BNC2: variants seen among roughly 807,000 people sequenced by gnomAD.
The protein encoded by BNC2 is zinc finger protein basonuclin-2.
In BNC2, 20 loss-of-function variants were observed where a neutral mutation model predicts 76.3. The ratio of observed to expected loss-of-function variants is 0.26; its 90% CI spans 0.18 to 0.38. The LOEUF (loss-of-function observed/expected upper bound fraction) is 0.38, where lower values mean the gene tolerates loss of function less well. Ranked by LOEUF, BNC2 falls within the 10% of genes least tolerant of loss-of-function variation. The pLI is 1.00. For synonymous variants in BNC2, 582 were observed against 514.8 expected, an observed-to-expected ratio of 1.13 and a Z score of -1.77; for missense variants, 1,382 against 1,399.8, an observed-to-expected ratio of 0.99 and a Z score of 0.20.
At chr9:16,495,240 G>T (rs970744490) in intron 5 of BNC2, among the ~76,000 whole-genome samples, 1 of 152,100 alleles carries the variant, frequency 6.6e-6, no homozygotes, top group Non-Finnish European at 1.5e-5. Context: ...GGCTTTCTTG[G>T]CCTAACATGA....
At chr9:16,481,527 A>G (rs887776911) in intron 5 of BNC2, among the ~76,000 whole-genome samples, 6 of 152,098 alleles carry the variant, frequency 3.9e-5, no homozygotes, top group African/African-American at 1.2e-4. Flanking sequence ...AACTCCAGAC[A>G]CGCCACCTTA....
intron 5 of BNC2, among the ~76,000 whole-genome samples, chr9:16,479,470 A>G (rs1448160532): frequency 2.0e-5 from 3 of 152,216 alleles, no homozygotes; most frequent in Non-Finnish European, 2.9e-5. Context: ...ATAGGGAGGT[A>G]TAAGAGCCTT....
chr9:16,744,695 G>T (rs1212235282), intron 1 of BNC2, among the ~76,000 whole-genome samples: 4 of 152,120 alleles, frequency 2.6e-5, no homozygotes, highest in African/African-American at 9.7e-5. Flanking sequence ...TTTTGCCCTT[G>T]GACACAGACA....
At chr9:16,577,452 T>C (rs1403414630) in intron 4 of BNC2, among the ~76,000 whole-genome samples, 2 of 152,180 alleles carry the variant, frequency 1.3e-5, no homozygotes, top group Admixed American at 6.5e-5. Context: ...TGGTATATGA[T>C]ACTAAATTAA....
intron 5 of BNC2, among the ~76,000 whole-genome samples, chr9:16,530,519 G>A (rs937609082): frequency 3.3e-5 from 5 of 152,274 alleles, no homozygotes; most frequent in African/African-American, 1.2e-4. Flanking sequence ...GAGAGAGGGC[G>A]ATGATCAAGA....
intron 6 of BNC2, among the ~76,000 whole-genome samples, chr9:16,427,975 T>G (rs982119194): frequency 6.6e-6 from 1 of 152,134 alleles, no homozygotes. Context: ...ATAAGTTTTT[T>G]TTAATGTGGA....
intron 6 of BNC2, chr9:16,429,862 A>G: frequency 6.4e-6 from 3 of 468,808 alleles, no homozygotes; most frequent in South Asian, 4.6e-5. Context: ...AGGTCAGCAG[A>G]GGCTTAAACG....
intron 5 of BNC2, among the ~76,000 whole-genome samples, chr9:16,479,939 G>C (rs1335294139): frequency 6.6e-6 from 1 of 152,114 alleles, no homozygotes; most frequent in African/African-American, 2.4e-5. Flanking sequence ...TTATTTGCAA[G>C]CTACTTGTGG....
At chr9:16,590,906 T>A (rs759970202) in intron 3 of BNC2, among the ~76,000 whole-genome samples, 2 of 152,174 alleles carry the variant, frequency 1.3e-5, no homozygotes, top group African/African-American at 2.4e-5. Context: ...AGGATTGCCA[T>A]AGAATACACT....
At chr9:16,586,426 G>A (rs1429716530) in intron 3 of BNC2, among the ~76,000 whole-genome samples, 1 of 152,084 alleles carries the variant, frequency 6.6e-6, no homozygotes, top group Non-Finnish European at 1.5e-5. Flanking sequence ...TCCAGATTCT[G>A]CCCCACACGT....
intron 1 of BNC2, among the ~76,000 whole-genome samples, chr9:16,852,924 G>C (rs998669213): frequency 6.6e-6 from 1 of 152,212 alleles, no homozygotes; most frequent in South Asian, 2.1e-4. Context: ...GCAGTGGCAG[G>C]AAACGGCGTC....
chr9:16,672,077 C>CA (rs760593617), intron 3 of BNC2, among the ~76,000 whole-genome samples: 2 of 152,222 alleles, frequency 1.3e-5, no homozygotes, highest in Non-Finnish European at 2.9e-5. Flanking sequence ...CTGCTAACAG[C>CA]AAGGGGTGTT....
chr9:16,698,553 C>T (rs1244672380), intron 3 of BNC2, among the ~76,000 whole-genome samples: 1 of 151,992 alleles, frequency 6.6e-6, no homozygotes, highest in Non-Finnish European at 1.5e-5. Context: ...ATTAGCTGGG[C>T]GTGGTGGCGC....
intron 3 of BNC2, among the ~76,000 whole-genome samples, chr9:16,658,742 C>T (rs555762689): frequency 1.3e-5 from 2 of 152,248 alleles, no homozygotes; most frequent in South Asian, 4.1e-4. Flanking sequence ...GCTAATTTAC[C>T]AACTATCCCA....
rs143485805 is a variant in BNC2 at position 16,764,886 on chromosome 9, A to G, written c.4-26401T>C. The stretch of plus-strand genomic sequence containing the variant: ...CAAAATTATCCCAAAAATAAATGAG[A>G]GGGAGGGAAAGAAGGAGGGAAGGAG... On this transcript the variant is annotated intron_variant, in intron 1 of 6. Transcript: ENST00000380672. 1.2e-3 allele frequency among the ~76,000 whole-genome samples: 178 copies of G among 149,558 alleles called. 4 individuals are homozygous for G. The East Asian group carries it at 0.03, about 25-fold the overall frequency.
At chr9:16,729,524 T>C (rs938758371) in intron 2 of BNC2, among the ~76,000 whole-genome samples, 1 of 151,254 alleles carries the variant, frequency 6.6e-6, no homozygotes, top group African/African-American at 2.5e-5. Context: ...AACCGACATC[T>C]CCTGAAAGCT....
chr9:16,624,562 T>C (rs541453780), intron 3 of BNC2, among the ~76,000 whole-genome samples: 3 of 152,322 alleles, frequency 2.0e-5, no homozygotes, highest in Admixed American at 2.0e-4. Context: ...AAGCAAAACC[T>C]ACCATGCATG....
At chr9:16,560,597 C>A (rs568405244) in intron 4 of BNC2, among the ~76,000 whole-genome samples, 4 of 152,100 alleles carry the variant, frequency 2.6e-5, no homozygotes, top group African/African-American at 9.6e-5. Context: ...TGTGGTAGAG[C>A]AAGCCTATAG....
intron 5 of BNC2, among the ~76,000 whole-genome samples, chr9:16,502,550 T>C (rs569581050): frequency 0.014 from 2,196 of 152,088 alleles, 50 homozygotes; most frequent in African/African-American, 0.05. Flanking sequence ...TTTTGTCTTT[T>C]TTCCCCCCCT....
Sources: allele counts gnomAD v4.1 joint callset (sites outside exome capture counted in the v4.1 genomes callset), GRCh38; gene constraint gnomAD v4.1.1; transcripts MANE v1.5; gene names NCBI Gene and HGNC (gene_info 2026-07-23, HGNC 2026-07-21).